PLA2G10: variants seen among roughly 807,000 people sequenced by gnomAD.
The protein encoded by PLA2G10 is phospholipase A2 group X, also known as group 10 secretory phospholipase A2.
Under a neutral mutation model 7.9 loss-of-function variants are expected in PLA2G10, and 9 were observed. The observed-to-expected ratio is 1.14, with a 90% CI of 0.68 to 1.98. The LOEUF is 1.98. Ranked by LOEUF, PLA2G10 falls within the 30% of genes most tolerant of loss-of-function variation. PLA2G10 has a pLI of 0.00. For missense variants in PLA2G10, 53 were observed against 65.4 expected (o/e 0.81, Z 0.66); for synonymous variants, 19 against 27.5 (o/e 0.69, Z 0.97).
intron 3 of PLA2G10, chr16:14,678,871 C>T: frequency 3.6e-6 from 1 of 275,510 alleles, no homozygotes; most frequent in Non-Finnish European, 7.4e-6. Flanking sequence ...AGGAATCTAG[C>T]CCCTATCACT....
intron 3 of PLA2G10, among the ~76,000 whole-genome samples, chr16:14,681,247 GCCATATACAATCT>G (rs1411932401): frequency 1.3e-5 from 2 of 151,898 alleles, no homozygotes; most frequent in Non-Finnish European, 2.9e-5. Flanking sequence ...GAAAAGCAAA[GCCATATACAATCT>G]CCAATGCTCA....
At chr16:14,685,457 T>C (rs1350662244) in intron 3 of PLA2G10, among the ~76,000 whole-genome samples, 1 of 151,974 alleles carries the variant, frequency 6.6e-6, no homozygotes, top group East Asian at 1.9e-4. Flanking sequence ...TATGATTCTA[T>C]TTATATGAAA....
intron 3 of PLA2G10, among the ~76,000 whole-genome samples, chr16:14,682,271 A>C (rs1315541474): frequency 6.6e-6 from 1 of 152,186 alleles, no homozygotes; most frequent in Non-Finnish European, 1.5e-5. Context: ...AAGAATATAT[A>C]GCTGAAGATC....
intron 3 of PLA2G10, among the ~76,000 whole-genome samples, chr16:14,673,766 C>CAGTGATAG (rs1960653208): frequency 2.6e-5 from 4 of 152,086 alleles, no homozygotes; most frequent in Non-Finnish European, 5.9e-5. Context: ...ATGACAAACC[C>CAGTGATAG]ATAGCCCACA....
intron 3 of PLA2G10, among the ~76,000 whole-genome samples, chr16:14,684,766 G>T (rs1961005042): frequency 6.6e-6 from 1 of 152,102 alleles, no homozygotes; most frequent in African/African-American, 2.4e-5. Flanking sequence ...AGGCTGCAGT[G>T]AGCCATGATC....
chr16:14,687,329 T>A (rs924686511), intron 3 of PLA2G10, among the ~76,000 whole-genome samples: 13 of 122,478 alleles, frequency 1.1e-4, no homozygotes, highest in South Asian at 2.5e-4. Context: ...TTAGGTAAAA[T>A]TTTTTTTTTT....
chr16:14,675,245 A>G (rs1426449986), intron 3 of PLA2G10, among the ~76,000 whole-genome samples: 1 of 152,024 alleles, frequency 6.6e-6, no homozygotes, highest in East Asian at 1.9e-4. Context: ...TACTGGGAAA[A>G]CTGAAGAGCT....
chr16:14,677,403 TG>T (rs1415759494), intron 3 of PLA2G10, among the ~76,000 whole-genome samples: 1 of 152,156 alleles, frequency 6.6e-6, no homozygotes, highest in Non-Finnish European at 1.5e-5. Flanking sequence ...AGTTTCACTC[TG>T]TTGCCAGGCT....
intron 3 of PLA2G10, among the ~76,000 whole-genome samples, chr16:14,682,349 G>A (rs1002808124): frequency 5.3e-5 from 8 of 152,238 alleles, no homozygotes; most frequent in African/African-American, 9.6e-5. Flanking sequence ...TTGGGAGGCC[G>A]AGGCGGATGG....
chr16:14,676,219 G>A (rs1005973397), intron 3 of PLA2G10, among the ~76,000 whole-genome samples: 1 of 152,304 alleles, frequency 6.6e-6, no homozygotes, highest in Admixed American at 6.5e-5. Flanking sequence ...CTCAAAGAAC[G>A]AAAAGTAAAT....
intron 3 of PLA2G10, among the ~76,000 whole-genome samples, chr16:14,684,064 A>G (rs551174217): frequency 1.3e-5 from 2 of 151,958 alleles, no homozygotes; most frequent in Non-Finnish European, 2.9e-5. Flanking sequence ...TTATCTCTAC[A>G]AAAAGTTTAA....
intron 3 of PLA2G10, among the ~76,000 whole-genome samples, chr16:14,684,712 C>G (rs1007957000): frequency 1.3e-5 from 2 of 152,070 alleles, no homozygotes; most frequent in African/African-American, 4.8e-5. Flanking sequence ...GTCTCAGCTA[C>G]TCAGGAGGCT....
intron 3 of PLA2G10, among the ~76,000 whole-genome samples, chr16:14,674,043 G>A (rs772078141): frequency 8.6e-5 from 13 of 151,976 alleles, no homozygotes; most frequent in Non-Finnish European, 1.8e-4. Flanking sequence ...AAAGTCTCAG[G>A]TTACAAACCA....
intron 1 of PLA2G10, among the ~76,000 whole-genome samples, chr16:14,693,309 CTGTGTGTGTGTGTGTGTGTGTGTG>C (rs1177221583): frequency 1.2e-4 from 3 of 24,262 alleles, no homozygotes; most frequent in African/African-American, 4.3e-4. Flanking sequence ...CTGTGCTGCT[CTGTGTGTGTGTGTGTGTGTGTGTG>C]TGTGTGTGTG....
chr16:14,678,766 TC>T, intron 3 of PLA2G10: 1 of 371,988 alleles, frequency 2.7e-6, no homozygotes. Flanking sequence ...CAAGACTGTC[TC>T]AAAAAAAAAA....
At chr16:14,676,617 T>G (rs547327968) in intron 3 of PLA2G10, among the ~76,000 whole-genome samples, 1 of 152,244 alleles carries the variant, frequency 6.6e-6, no homozygotes, top group East Asian at 1.9e-4. Context: ...AGGTGGAGGT[T>G]GCAGGGGGCC....
At chr16:14,687,246 C>A (rs887548348) in intron 3 of PLA2G10, among the ~76,000 whole-genome samples, 3 of 151,516 alleles carry the variant, frequency 2.0e-5, no homozygotes, top group African/African-American at 7.3e-5. Flanking sequence ...GTTTCAAAAT[C>A]TTGTAGGATT....
chr16:14,679,550 C>T lies in PLA2G10; in HGVS notation c.356-6801G>A, dbSNP rs1189783842. On this transcript the variant is annotated intron_variant, in intron 3 of 3. Coordinates refer to ENST00000438167, the MANE Select transcript of PLA2G10 (RefSeq NM_003561.3). ...TGGCACATGCCTGTAATCCCAGCTA[C>T]TAGGGAGGCTGAGGCAGGAGAATCA... Among the ~76,000 whole-genome samples, 3 of 151,538 alleles carry T rather than the reference C, an allele frequency of 2.0e-5. No individual in the cohort carries two copies. The East Asian group carries it at 5.8e-4, about 29-fold the overall frequency.
chr16:14,679,324 A>T (rs1298829177), intron 3 of PLA2G10, among the ~76,000 whole-genome samples: 1 of 152,012 alleles, frequency 6.6e-6, no homozygotes. Flanking sequence ...GCTTGAGGTC[A>T]GGAGTTCAAG....
Sources: gnomAD v4.1 joint callset for allele counts (sites outside exome capture counted in the v4.1 genomes callset) on GRCh38, gnomAD v4.1.1 for gene constraint, MANE v1.5 for transcripts, NCBI Gene and HGNC (gene_info 2026-07-23, HGNC 2026-07-21) for gene names.